Variants in CSMD3 observed in about 807,000 individuals in gnomAD.
CSMD3 encodes CUB and Sushi multiple domains 3.
In CSMD3, 177 loss-of-function variants were observed where a neutral mutation model predicts 435.2. The observed-to-expected ratio is 0.41, with a 90% CI of 0.36 to 0.46. The LOEUF is 0.46. Ranked by LOEUF, CSMD3 falls within the 20% of genes least tolerant of loss-of-function variation. The pLI is 0.34. For missense variants in CSMD3, 4,265 were observed against 4,504.6 expected (o/e 0.95, Z 1.52); for synonymous variants, 1,656 against 1,520.5 (o/e 1.09, Z -2.07).
At chr8:112,525,614 G>A (rs1035590458) in intron 27 of CSMD3, among the ~76,000 whole-genome samples, 2 of 148,758 alleles carry the variant, frequency 1.3e-5, no homozygotes, top group African/African-American at 4.9e-5. Flanking sequence ...CCAGCTACTT[G>A]GGAGGCTGAG....
chr8:113,339,651 T>A (rs2094104103), intron 1 of CSMD3, among the ~76,000 whole-genome samples: 1 of 152,042 alleles, frequency 6.6e-6, no homozygotes, highest in Non-Finnish European at 1.5e-5. Context: ...TTTTTCATTG[T>A]GTTTAGATTG....
intron 32 of CSMD3, among the ~76,000 whole-genome samples, chr8:112,453,128 G>A (rs1290243933): frequency 6.6e-6 from 1 of 152,070 alleles, no homozygotes; most frequent in Admixed American, 6.6e-5. Flanking sequence ...TTACCAGTAA[G>A]TAAATGGCAG....
intron 61 of CSMD3, among the ~76,000 whole-genome samples, chr8:112,258,952 T>G (rs1160012747): frequency 6.6e-6 from 1 of 151,764 alleles, no homozygotes; most frequent in Non-Finnish European, 1.5e-5. Context: ...GGCAGGAGAA[T>G]GGCGAGAACC....
intron 32 of CSMD3, among the ~76,000 whole-genome samples, chr8:112,451,843 G>T (rs1056300687): frequency 1.3e-5 from 2 of 152,232 alleles, no homozygotes; most frequent in South Asian, 4.1e-4. Flanking sequence ...TGGCCCCAAA[G>T]ATTTTTAAAT....
At chr8:113,075,052 T>C (rs1247977784) in intron 5 of CSMD3, among the ~76,000 whole-genome samples, 2 of 151,828 alleles carry the variant, frequency 1.3e-5, no homozygotes, top group South Asian at 2.1e-4. Flanking sequence ...ATGATCAATA[T>C]ATGGCTAAAT....
intron 10 of CSMD3, among the ~76,000 whole-genome samples, chr8:112,904,380 C>T (rs2082196103): frequency 1.3e-5 from 2 of 151,340 alleles, no homozygotes; most frequent in South Asian, 4.1e-4. Context: ...TCATCTTGTA[C>T]ATGACAAATA....
chr8:113,062,830 T>C (rs1011743202), intron 5 of CSMD3, among the ~76,000 whole-genome samples: 2 of 151,794 alleles, frequency 1.3e-5, no homozygotes, highest in Admixed American at 6.6e-5. Context: ...GTATAACCTA[T>C]GGTCTGGAAA....
intron 23 of CSMD3, among the ~76,000 whole-genome samples, chr8:112,576,658 G>A (rs1829965854): frequency 6.6e-6 from 1 of 151,714 alleles, no homozygotes; most frequent in Non-Finnish European, 1.5e-5. Context: ...AGACTCCCAA[G>A]TAGCTTGCAC....
At chr8:113,254,653 G>A (rs2093364605) in intron 3 of CSMD3, among the ~76,000 whole-genome samples, 1 of 152,038 alleles carries the variant, frequency 6.6e-6, no homozygotes, top group African/African-American at 2.4e-5. Flanking sequence ...ATTAAGTAAT[G>A]GAGTCCATCA....
chr8:112,988,695 G>A (rs1012767113), intron 6 of CSMD3, among the ~76,000 whole-genome samples: 5 of 151,890 alleles, frequency 3.3e-5, no homozygotes, highest in African/African-American at 7.2e-5. Flanking sequence ...CTTGCAAGTC[G>A]TCTTTTTTCC....
At chr8:113,020,080 G>A (rs1300178519) in intron 5 of CSMD3, among the ~76,000 whole-genome samples, 1 of 149,078 alleles carries the variant, frequency 6.7e-6, no homozygotes, top group East Asian at 2.0e-4. Context: ...GGAGAATGGC[G>A]TGAACCCGGG....
chr8:113,431,956 C>T (rs2094676498), intron 1 of CSMD3, among the ~76,000 whole-genome samples: 1 of 152,148 alleles, frequency 6.6e-6, no homozygotes, highest in African/African-American at 2.4e-5. Flanking sequence ...TAATTAATAT[C>T]ATGAAGGGTA....
At chr8:112,280,787 A>T (rs185454363) in intron 59 of CSMD3, among the ~76,000 whole-genome samples, 1 of 152,270 alleles carries the variant, frequency 6.6e-6, no homozygotes, top group Non-Finnish European at 1.5e-5. Flanking sequence ...ACCCATAAAG[A>T]ATCAGTATGC....
intron 30 of CSMD3, among the ~76,000 whole-genome samples, chr8:112,497,355 C>T (rs2219002): frequency 6.6e-6 from 1 of 151,406 alleles, no homozygotes; most frequent in African/African-American, 2.4e-5. Context: ...TAACTAAAAG[C>T]GTATAATTGG....
chr8:112,387,450 T>C (rs1464031938), intron 36 of CSMD3, among the ~76,000 whole-genome samples: 1 of 143,440 alleles, frequency 7.0e-6, no homozygotes, highest in African/African-American at 2.5e-5. Flanking sequence ...AAGTTTCAAA[T>C]GTAAGTCATA....
chr8:112,796,756 T>C (rs1386269886), intron 13 of CSMD3, among the ~76,000 whole-genome samples: 6 of 151,982 alleles, frequency 3.9e-5, no homozygotes, highest in Admixed American at 1.3e-4. Context: ...CAGCAAGACA[T>C]TTAGTTCACA....
chr8:112,478,421 A>C (rs1038380043), intron 31 of CSMD3, among the ~76,000 whole-genome samples: 14 of 152,210 alleles, frequency 9.2e-5, no homozygotes, highest in Non-Finnish European at 1.9e-4. Context: ...GTGAAGTCTA[A>C]GTTGACAAGG....
intron 11 of CSMD3, among the ~76,000 whole-genome samples, chr8:112,855,809 C>CTTTTTTTT (rs34885472): frequency 1.8e-4 from 25 of 135,568 alleles, no homozygotes; most frequent in Non-Finnish European, 2.8e-4. Flanking sequence ...CTTAGCGAAG[C>CTTTTTTTT]TTTTTTTTTT....
rs2130753958 is a variant in CSMD3, at chr8:112,472,639, T to C, written c.5347A>G (p.Ser1783Gly). The change falls in exon 32 of 71, where the codon AGT (serine) becomes GGT (glycine). Residue 1783 changes from serine to glycine, a missense_variant. By Grantham distance (56) the Ser-to-Gly change is moderately conservative (BLOSUM62 0). Around this residue, in one of 3 missense-constraint regions of CSMD3, gnomAD observed 3,255 missense variants for 3,380.2 expected, o/e 0.96. Coordinates refer to ENST00000297405, the MANE Select transcript of CSMD3 (RefSeq NM_198123.2). ...GAATAAACACAATTATGTCCCACAC[T>C]GTAATTTTTTGGATAGTTTGGTGAT... ...VLSPNYPKNYSVGHNCVYSIA... is the reference protein window; with the variant it reads ...VLSPNYPKNYGVGHNCVYSIA... 1 of 1,611,112 alleles carries C rather than the reference T, an allele frequency of 6.2e-7. No homozygotes were observed. Among genetic ancestry groups the C allele is most frequent in the Non-Finnish European group, 8.5e-7 (1 of 1,177,476 alleles).
Sources: gnomAD v4.1 joint callset for allele counts (sites outside exome capture counted in the v4.1 genomes callset) on GRCh38, gnomAD v4.1.1 for gene constraint, gnomAD v4.1.1 regional missense constraint, MANE v1.5 for transcripts, NCBI Gene and HGNC (gene_info 2026-07-23, HGNC 2026-07-21) for gene names.